The following RBFOX1 variants were observed in gnomAD, a reference collection of about 807,000 sequenced individuals.
RBFOX1 encodes RNA binding fox-1 homolog 1, also known as RNA binding protein fox-1 homolog 1.
Under a neutral mutation model 57.7 loss-of-function variants are expected in RBFOX1, and 8 were observed. That is an observed-to-expected ratio of 0.14 (90% CI 0.08 to 0.25). The LOEUF is 0.25. Among genes scored for constraint, RBFOX1 ranks in the 10% least tolerant of loss-of-function variants. The pLI is 1.00. For synonymous variants in RBFOX1, 326 were observed against 222.4 expected, an observed-to-expected ratio of 1.47 and a Z score of -4.15; for missense variants, 611 against 548.5, an observed-to-expected ratio of 1.11 and a Z score of -1.14.
chr16:6,969,052 C>G (rs1276503087), intron 3 of RBFOX1, among the ~76,000 whole-genome samples: 1 of 152,074 alleles, frequency 6.6e-6, no homozygotes, highest in East Asian at 1.9e-4. Flanking sequence ...TAATACAGTT[C>G]CCATCCGAGA....
At chr16:5,429,610 T>C (rs2067668517) in intron 1 of RBFOX1, among the ~76,000 whole-genome samples, 2 of 152,168 alleles carry the variant, frequency 1.3e-5, no homozygotes, top group South Asian at 4.2e-4. Context: ...TCGCAGCATG[T>C]GGTTCAGCTC....
chr16:7,705,561 G>C (rs141508371), intron 14 of RBFOX1, among the ~76,000 whole-genome samples: 2 of 152,136 alleles, frequency 1.3e-5, no homozygotes, highest in African/African-American at 4.8e-5. Flanking sequence ...ACCAAGGGAA[G>C]GAAGATGAAG....
intron 3 of RBFOX1, among the ~76,000 whole-genome samples, chr16:5,667,175 A>T (rs1210121246): frequency 6.6e-6 from 1 of 152,138 alleles, no homozygotes; most frequent in African/African-American, 2.4e-5. Flanking sequence ...TTTTGGCTTC[A>T]TTAACATTTT....
intron 4 of RBFOX1, among the ~76,000 whole-genome samples, chr16:7,165,977 C>CGT (rs2079430136): frequency 7.1e-6 from 1 of 141,178 alleles, no homozygotes; most frequent in African/African-American, 2.6e-5. Context: ...TACATACATA[C>CGT]ACCCCAGATT....
intron 4 of RBFOX1, among the ~76,000 whole-genome samples, chr16:7,424,928 A>C (rs2098595439): frequency 6.6e-6 from 1 of 152,200 alleles, no homozygotes; most frequent in South Asian, 2.1e-4. Context: ...ATTATATTCC[A>C]AAGGTGATAA....
intron 4 of RBFOX1, among the ~76,000 whole-genome samples, chr16:7,345,559 TG>T (rs2096982388): frequency 6.6e-6 from 1 of 152,146 alleles, no homozygotes; most frequent in Admixed American, 6.5e-5. Flanking sequence ...AAGATTTGTG[TG>T]GGCGCCCAGC....
At chr16:6,382,312 G>A (rs1239700776) in intron 2 of RBFOX1, among the ~76,000 whole-genome samples, 2 of 152,186 alleles carry the variant, frequency 1.3e-5, no homozygotes, top group African/African-American at 4.8e-5. Context: ...GCCTGTAATG[G>A]CAGTAAACAC....
At chr16:7,106,066 A>G (rs1028517250) in intron 4 of RBFOX1, among the ~76,000 whole-genome samples, 124 of 152,260 alleles carry the variant, frequency 8.1e-4, no homozygotes, top group African/African-American at 2.8e-3. Flanking sequence ...ATTTAAAACT[A>G]TTCAGTACCC....
chr16:6,368,572 C>G (rs2089998406), intron 2 of RBFOX1, among the ~76,000 whole-genome samples: 2 of 152,224 alleles, frequency 1.3e-5, no homozygotes, highest in Admixed American at 6.5e-5. Context: ...TTCTTCTGCT[C>G]TATGATCTGA....
At chr16:5,713,157 T>C (rs187909272) in intron 3 of RBFOX1, among the ~76,000 whole-genome samples, 101 of 152,368 alleles carry the variant, frequency 6.6e-4, no homozygotes, top group Non-Finnish European at 7.3e-5. Context: ...TCTGGATTTC[T>C]TGTTCTGTGT....
intron 1 of RBFOX1, among the ~76,000 whole-genome samples, chr16:6,274,352 A>C (rs1400577667): frequency 6.6e-6 from 1 of 152,212 alleles, no homozygotes; most frequent in Non-Finnish European, 1.5e-5. Context: ...CCATACCACA[A>C]AATACAACCC....
At chr16:5,649,661 G>GT (rs1198329919) in intron 3 of RBFOX1, among the ~76,000 whole-genome samples, 1 of 152,074 alleles carries the variant, frequency 6.6e-6, no homozygotes, top group African/African-American at 2.4e-5. Context: ...TTCTTTGTCT[G>GT]TTTTTTGGTA....
At chr16:7,421,623 T>A (rs1401829458) in intron 4 of RBFOX1, among the ~76,000 whole-genome samples, 2 of 152,220 alleles carry the variant, frequency 1.3e-5, no homozygotes, top group Non-Finnish European at 2.9e-5. Flanking sequence ...GGCCCCCAGT[T>A]GGCTGCTGCT....
chr16:6,634,068 C>A (rs1203433205), intron 2 of RBFOX1, among the ~76,000 whole-genome samples: 8 of 147,664 alleles, frequency 5.4e-5, no homozygotes, highest in African/African-American at 2.0e-4. Context: ...AATAAACCTA[C>A]ACACACACAT....
chr16:7,260,742 C>T (rs569490324), intron 4 of RBFOX1, among the ~76,000 whole-genome samples: 1 of 152,108 alleles, frequency 6.6e-6, no homozygotes, highest in African/African-American at 2.4e-5. Context: ...TTTTTACGAA[C>T]TTCAGGATAG....
At chr16:6,490,964 G>A (rs1225457194) in intron 2 of RBFOX1, among the ~76,000 whole-genome samples, 1 of 152,012 alleles carries the variant, frequency 6.6e-6, no homozygotes, top group African/African-American at 2.4e-5. Context: ...TGTTGGTTCA[G>A]GAAATGGTTT....
At chr16:5,691,254 G>A (rs2050669926) in intron 3 of RBFOX1, among the ~76,000 whole-genome samples, 1 of 152,190 alleles carries the variant, frequency 6.6e-6, no homozygotes, top group Non-Finnish European at 1.5e-5. Context: ...GAGCAATTCA[G>A]GAGGATTGGG....
At chr16:5,488,967 C>G (rs8049340) in intron 2 of RBFOX1, among the ~76,000 whole-genome samples, 11,448 of 152,266 alleles carry the variant, frequency 0.075, 1,421 homozygotes, top group African/African-American at 0.26. Context: ...AAATACATCT[C>G]ATTTAGTCTT....
intron 3 of RBFOX1, among the ~76,000 whole-genome samples, chr16:5,851,306 A>G (rs760941805): frequency 3.9e-5 from 6 of 152,218 alleles, no homozygotes; most frequent in Non-Finnish European, 7.3e-5. Flanking sequence ...CCCAGTGTGC[A>G]GTGGGTGCTT....
Sources: allele counts gnomAD v4.1 joint callset (sites outside exome capture counted in the v4.1 genomes callset), GRCh38; gene constraint gnomAD v4.1.1; transcripts MANE v1.5; gene names NCBI Gene and HGNC (gene_info 2026-07-23, HGNC 2026-07-21).